Variants in SERP1 observed in about 807,000 individuals in gnomAD.
SERP1 encodes stress associated endoplasmic reticulum protein 1.
A neutral mutation model predicts 8.8 loss-of-function variants in SERP1; 6 were observed. The ratio of observed to expected loss-of-function variants is 0.68; its 90% CI spans 0.37 to 1.35. The LOEUF (loss-of-function observed/expected upper bound fraction) is 1.35, where lower values mean the gene tolerates loss of function less well. Among genes scored for constraint, SERP1 ranks in the 40% most tolerant of loss-of-function variants. SERP1 has a pLI of 0.02. For synonymous variants in SERP1, 36 were observed against 28.7 expected (o/e 1.25, Z -0.81); for missense variants, 52 against 86.2 (o/e 0.60, Z 1.57).
rs1289519451 is a variant in SERP1, at chr3:150,546,279, T to C, written c.-144A>G. 1.6e-5 allele frequency: 14 copies of C among 889,966 alleles called. No individual in the cohort carries two copies. The South Asian group carries it at 2.4e-4, about 15-fold the overall frequency. The allele number at this position is 889,966 out of a possible 1,614,324, so 55.1% of individuals were successfully genotyped here. On this transcript the variant is annotated 5_prime_UTR_variant, in exon 1 of 3. Coordinates refer to ENST00000239944, the MANE Select transcript of SERP1 (RefSeq NM_014445.4). ...CAGGCCAGACGCTAGCTACGGCCGC[T>C]GGGCCTGGGCGCCGCAAGCGCGAGG... is the stretch of plus-strand genomic sequence containing the variant.
At position 150,545,694 on chromosome 3, in the gene SERP1, G is replaced by A. The variant is rs1255617357; in HGVS notation, c.160+9C>T. On this transcript the variant is annotated intron_variant, in intron 2 of 2. Transcript: ENST00000239944. ...GACTCTACCTGATGGGAGCCCCCAA[G>A]CCACTTACCAGAACCACAGACAACA... is the stretch of plus-strand genomic sequence containing the variant. The A allele has an allele frequency of 3.7e-6, 6 of 1,602,224 alleles. No individual in the cohort carries two copies. The highest frequency in any genetic ancestry group is 5.1e-6 in the Non-Finnish European group (6 of 1,173,272).
chr3:150,545,991 C>T lies in SERP1; in HGVS notation c.84+61G>A. On this transcript the variant is annotated intron_variant, in intron 1 of 2. Transcript: ENST00000239944. ...GATCCGGGAGAAAACGCGACGCGGC[C>T]CCAGGGACCCGGACTCAGCTCCGGC... 1.9e-6 allele frequency: 3 copies of T among 1,599,714 alleles called. No homozygotes were observed. The East Asian group carries it at 6.7e-5, about 36-fold the overall frequency.
Position 150,546,193 on chromosome 3 carries a change from C to T in SERP1, c.-58G>A. 1 of 1,579,530 alleles carries T rather than the reference C, an allele frequency of 6.3e-7. No homozygotes were observed. Among genetic ancestry groups the T allele is most frequent in the Non-Finnish European group, 8.6e-7 (1 of 1,156,086 alleles). The stretch of plus-strand genomic sequence containing the variant: ...CTCGGACTCGCTCACTCGCCTGCCT[C>T]CTCTGGAGCCGCTGCGAGGCTCGGC... On this transcript the variant is annotated 5_prime_UTR_variant, in exon 1 of 3. Coordinates refer to ENST00000239944, the MANE Select transcript of SERP1 (RefSeq NM_014445.4).
rs1177095912 is a variant in SERP1 at position 150,543,256 on chromosome 3, G to A, written c.*1202C>T. 6.6e-6 allele frequency: 1 copy of A among 152,476 alleles called. No individual in the cohort carries two copies. The highest frequency in any genetic ancestry group is 2.4e-5 in the African/African-American group (1 of 41,396). 9.4% of individuals were successfully genotyped at this position (152,476 alleles called of 1,614,324 possible). ...AGTATACAAATAGCCAATACTTGCA[G>A]TTTTCAACAGTACTAGAAAACCCAA... On this transcript the variant is annotated 3_prime_UTR_variant, in exon 3 of 3. Transcript: ENST00000239944.
rs1722922550 is a variant in SERP1, at chr3:150,543,623, T to G, written c.*835A>C. ...TTTAGCAGTATTTTTCCCTAGAATT[T>G]TGTTTGGCATAGTAAACCCCTTTGA... On this transcript the variant is annotated 3_prime_UTR_variant, in exon 3 of 3. Coordinates refer to ENST00000239944, the MANE Select transcript of SERP1 (RefSeq NM_014445.4). 1 of 152,642 alleles carries G rather than the reference T, an allele frequency of 6.6e-6. No homozygotes were observed. Among genetic ancestry groups the G allele is most frequent in the Non-Finnish European group, 1.5e-5 (1 of 68,016 alleles). 9.5% of individuals were successfully genotyped at this position (152,642 alleles called of 1,614,324 possible).
In SERP1 at chr3:150,546,186, C is replaced by T. The variant is rs1414196607; in HGVS notation, c.-51G>A. ...GCCACCCCTCGGACTCGCTCACTCG[C>T]CTGCCTCCTCTGGAGCCGCTGCGAG... On this transcript the variant is annotated 5_prime_UTR_variant, in exon 1 of 3. Coordinates refer to ENST00000239944, the MANE Select transcript of SERP1 (RefSeq NM_014445.4). 8.2e-6 allele frequency: 13 copies of T among 1,593,304 alleles called. No homozygotes were observed. The Admixed American group carries it at 2.0e-4, about 25-fold the overall frequency.
intron 2 of SERP1, among the ~76,000 whole-genome samples, chr3:150,544,967 G>A (rs1022618381): frequency 1.3e-5 from 2 of 152,154 alleles, no homozygotes; most frequent in Non-Finnish European, 2.9e-5. Context: ...GAAGAAGAAA[G>A]GCAAAGTGAA....
At chr3:150,544,856 C>T (rs556522883) in intron 2 of SERP1, among the ~76,000 whole-genome samples, 36 of 152,314 alleles carry the variant, frequency 2.4e-4, no homozygotes, top group Non-Finnish European at 4.9e-4. Flanking sequence ...GTAACACATG[C>T]ATGTTTCCTC....
At position 150,546,415 on chromosome 3, in the gene SERP1, T is replaced by C. The variant is rs1417869361; in HGVS notation, c.-280A>G. ...TTCTCGCGCCGCCGTCGCCGCCGCT[T>C]TGGCCGCCGCCGTGAGCGCGGAGTG... is the stretch of plus-strand genomic sequence containing the variant. On this transcript the variant is annotated 5_prime_UTR_variant, in exon 1 of 3. Coordinates refer to ENST00000239944, the MANE Select transcript of SERP1 (RefSeq NM_014445.4). The C allele has an allele frequency of 1.8e-6, 1 of 551,512 alleles. No homozygotes were observed. Among genetic ancestry groups the C allele is most frequent in the Non-Finnish European group, 3.2e-6 (1 of 315,428 alleles). 34.2% of individuals were successfully genotyped at this position (551,512 alleles called of 1,614,324 possible).
At position 150,543,117 on chromosome 3, in the gene SERP1, C is replaced by A. The variant is rs917318173; in HGVS notation, c.*1341G>T. The A allele has an allele frequency of 6.6e-6, 1 of 152,560 alleles. No homozygotes were observed. The allele number at this position is 152,560 out of a possible 1,614,324, so 9.5% of individuals were successfully genotyped here. A position where few individuals can be genotyped will look rare whatever the true frequency, so the allele number is the denominator to read the frequency against. On this transcript the variant is annotated 3_prime_UTR_variant, in exon 3 of 3. Transcript: ENST00000239944. ...TTCCCTTCTGTTCCTCTTAAAACAG[C>A]TTATTTTAAAAGAAATATCCTGAGG...
chr3:150,543,640 C>T lies in SERP1; in HGVS notation c.*818G>A, dbSNP rs372759916. 6.6e-6 allele frequency: 1 copy of T among 152,500 alleles called. No homozygotes were observed. Among genetic ancestry groups the T allele is most frequent in the Non-Finnish European group, 1.5e-5 (1 of 68,008 alleles). 9.4% of individuals were successfully genotyped at this position (152,500 alleles called of 1,614,324 possible). On this transcript the variant is annotated 3_prime_UTR_variant, in exon 3 of 3. Transcript: ENST00000239944. ...CTAGAATTTTGTTTGGCATAGTAAA[C>T]CCCTTTGATATATTAAAATAGTTCT... is the stretch of plus-strand genomic sequence containing the variant.
In SERP1 at chr3:150,546,126, T is replaced by C; in HGVS notation, c.10A>G (p.Lys4Glu). 1 of 1,613,520 alleles carries C rather than the reference T, an allele frequency of 6.2e-7. No individual in the cohort carries two copies. Among genetic ancestry groups the C allele is most frequent in the Non-Finnish European group, 8.5e-7 (1 of 1,179,844 alleles). Residue 4 changes from lysine to glutamate, a missense_variant, in exon 1 of 3, where the codon AAG becomes GAG. By Grantham distance (56) the Lys-to-Glu change is moderately conservative. Coordinates refer to ENST00000239944, the MANE Select transcript of SERP1 (RefSeq NM_014445.4). MVAKQRIRMANEKH... is the reference protein window; with the variant it reads MVAEQRIRMANEKH... ...TCGTTGGCCATACGGATCCTTTGCT[T>C]GGCGACCATCTTCGCGGCGCCACCA... is the stretch of plus-strand genomic sequence containing the variant.
At chr3:150,545,571 C>G in intron 2 of SERP1, 132 bp downstream of exon 2, 1 of 844,748 alleles carries the variant, frequency 1.2e-6, no homozygotes, top group Non-Finnish European at 1.9e-6. Flanking sequence ...TCAGACGAAA[C>G]AGAATTATGT....
At chr3:150,545,393 A>C in intron 2 of SERP1, 1 of 436,214 alleles carries the variant, frequency 2.3e-6, no homozygotes, top group East Asian at 3.4e-5. Context: ...GGAGTTACAA[A>C]ACATTCTAAA....
chr3:150,545,870 C>T, intron 1 of SERP1, 92 bp from the exon 2 acceptor site: 2 of 1,397,460 alleles, frequency 1.4e-6, no homozygotes, highest in East Asian at 2.5e-5. Context: ...GCCCCCTCAC[C>T]TCACAGGTCT....
In SERP1 at chr3:150,542,202, T is replaced by C. The variant is rs1359690606; in HGVS notation, c.*2256A>G. 1 of 152,230 alleles carries C rather than the reference T, an allele frequency of 6.6e-6. No homozygotes were observed. The highest frequency in any genetic ancestry group is 2.4e-5 in the African/African-American group (1 of 41,462). The allele number at this position is 152,230 out of a possible 1,614,324, so 9.4% of individuals were successfully genotyped here. A position where few individuals can be genotyped will look rare whatever the true frequency, so the allele number is the denominator to read the frequency against. The stretch of plus-strand genomic sequence containing the variant: ...GTAATGTTGACAACCCCAATATTTA[T>C]TCTCATACTGTGCTCAACATTAGAT... On this transcript the variant is annotated 3_prime_UTR_variant, in exon 3 of 3. Transcript: ENST00000239944.
rs546502074 is a variant in SERP1 at position 150,543,531 on chromosome 3, T to C, written c.*927A>G. Reference sequence around the variant, plus strand: ...TGCCTTTTTTTGCTATTAAAAGTGCTATTTAACATGCTAAAATGTCTTATG... The same window carrying C: ...TGCCTTTTTTTGCTATTAAAAGTGCCATTTAACATGCTAAAATGTCTTATG... On this transcript the variant is annotated 3_prime_UTR_variant, in exon 3 of 3. Coordinates refer to ENST00000239944, the MANE Select transcript of SERP1 (RefSeq NM_014445.4). 1.3e-5 allele frequency: 2 copies of C among 152,744 alleles called. No individual in the cohort carries two copies. Among genetic ancestry groups the C allele is most frequent in the African/African-American group, 4.8e-5 (2 of 41,590 alleles). 9.5% of individuals were successfully genotyped at this position (152,744 alleles called of 1,614,324 possible).
chr3:150,546,277 G>T lies in SERP1; in HGVS notation c.-142C>A. The stretch of plus-strand genomic sequence containing the variant: ...CTCAGGCCAGACGCTAGCTACGGCC[G>T]CTGGGCCTGGGCGCCGCAAGCGCGA... On this transcript the variant is annotated 5_prime_UTR_variant, in exon 1 of 3. Transcript: ENST00000239944. The T allele has an allele frequency of 1.1e-6, 1 of 919,150 alleles. No individual in the cohort carries two copies. Among genetic ancestry groups the T allele is most frequent in the Non-Finnish European group, 1.6e-6 (1 of 621,940 alleles). The allele number at this position is 919,150 out of a possible 1,614,324, so 56.9% of individuals were successfully genotyped here.
chr3:150,546,412 G>T lies in SERP1; in HGVS notation c.-277C>A. 1.8e-6 allele frequency: 1 copy of T among 555,726 alleles called. No homozygotes were observed. The highest frequency in any genetic ancestry group is 3.1e-6 in the Non-Finnish European group (1 of 317,732). The allele number at this position is 555,726 out of a possible 1,614,324, so 34.4% of individuals were successfully genotyped here. A position where few individuals can be genotyped will look rare whatever the true frequency, so the allele number is the denominator to read the frequency against. ...TCGTTCTCGCGCCGCCGTCGCCGCCGCTTTGGCCGCCGCCGTGAGCGCGGA... is the reference window on the plus strand; with the variant it reads ...TCGTTCTCGCGCCGCCGTCGCCGCCTCTTTGGCCGCCGCCGTGAGCGCGGA... On this transcript the variant is annotated 5_prime_UTR_variant, in exon 1 of 3. Transcript: ENST00000239944.
Sources: gnomAD v4.1 joint callset for allele counts (sites outside exome capture counted in the v4.1 genomes callset) on GRCh38, gnomAD v4.1.1 for gene constraint, MANE v1.5 for transcripts, NCBI Gene and HGNC (gene_info 2026-07-23, HGNC 2026-07-21) for gene names.